Variants in USP47 observed in about 807,000 individuals in gnomAD.
USP47 encodes ubiquitin specific peptidase 47, also known as ubiquitin carboxyl-terminal hydrolase 47.
USP47 carries 35 observed loss-of-function variants against 165.1 expected under a neutral mutation model. That is an observed-to-expected ratio of 0.21 (90% CI 0.16 to 0.28). USP47 has a LOEUF of 0.28. Among genes scored for constraint, USP47 ranks in the 10% least tolerant of loss-of-function variants. USP47 has a pLI of 1.00. For synonymous variants in USP47, 531 were observed against 544.5 expected, an observed-to-expected ratio of 0.98 and a Z score of 0.35; for missense variants, 1,277 against 1,607.4, an observed-to-expected ratio of 0.79 and a Z score of 3.52.
At chr11:11,873,460 A>G (rs1275139590) in intron 1 of USP47, among the ~76,000 whole-genome samples, 1 of 152,126 alleles carries the variant, frequency 6.6e-6, no homozygotes, top group Non-Finnish European at 1.5e-5. Flanking sequence ...CAAAATCAAG[A>G]GATCTCTTGG....
At chr11:11,936,002 A>G (rs575610105) in intron 16 of USP47, among the ~76,000 whole-genome samples, 1 of 152,076 alleles carries the variant, frequency 6.6e-6, no homozygotes, top group East Asian at 1.9e-4. Flanking sequence ...AATAGTTACA[A>G]TACATTGATT....
chr11:11,949,273 CA>C (rs1373361792), intron 22 of USP47, among the ~76,000 whole-genome samples: 1 of 151,882 alleles, frequency 6.6e-6, no homozygotes, highest in African/African-American at 2.4e-5. Context: ...AAGAATAAGG[CA>C]AAGATCATAT....
chr11:11,841,973 A>G lies in USP47; in HGVS notation c.-213A>G. ...CAGCGGGCTGGGGGAGGGGCCGACG[A>G]CGAAGGCGGCTGTGGTAGCGGCGGC... On this transcript the variant is annotated 5_prime_UTR_variant, in exon 1 of 28. Coordinates refer to ENST00000527733, the MANE Select transcript of USP47 (RefSeq NM_001282659.2). 3.8e-6 allele frequency: 2 copies of G among 529,300 alleles called. No homozygotes were observed. Among genetic ancestry groups the G allele is most frequent in the Non-Finnish European group, 6.6e-6 (2 of 302,034 alleles). The allele number at this position is 529,300 out of a possible 1,614,324, so 32.8% of individuals were successfully genotyped here.
chr11:11,936,550 G>A, intron 17 of USP47, 40 bp downstream of exon 17: 2 of 1,421,834 alleles, frequency 1.4e-6, no homozygotes, highest in East Asian at 2.4e-5. Flanking sequence ...TCTGTACTTA[G>A]AATTTTCATG....
rs2403564 is a variant in USP47 at position 11,961,779 on chromosome 11, A to T, written c.*5604A>T. 4.1e-3 allele frequency among the ~76,000 whole-genome samples: 628 copies of T among 152,354 alleles called. 5 individuals are homozygous for T. The highest frequency in any genetic ancestry group is 0.014 in the African/African-American group (580 of 41,596). ...CCTAGCTGCTGGAGGGACTGAGAAC[A>T]GCTGTTGAGCAGTTTACCTGACGGC... is the stretch of plus-strand genomic sequence containing the variant. On this transcript the variant is annotated 3_prime_UTR_variant, in exon 28 of 28. Transcript: ENST00000527733.
intron 2 of USP47, among the ~76,000 whole-genome samples, chr11:11,881,559 C>G (rs993284764): frequency 2.0e-5 from 3 of 151,976 alleles, no homozygotes; most frequent in Non-Finnish European, 4.4e-5. Context: ...TTTTATTTTT[C>G]CATAGATCTG....
At chr11:11,890,994 C>T (rs1851478148) in intron 3 of USP47, among the ~76,000 whole-genome samples, 1 of 152,040 alleles carries the variant, frequency 6.6e-6, no homozygotes, top group Non-Finnish European at 1.5e-5. Flanking sequence ...GAACAACACA[C>T]ACTGGGGCAT....
chr11:11,913,257 A>C (rs1174102907), intron 8 of USP47, among the ~76,000 whole-genome samples: 1 of 118,058 alleles, frequency 8.5e-6, no homozygotes, highest in African/African-American at 3.1e-5. Flanking sequence ...AATCCCTTGT[A>C]CAAAAAAAAA....
intron 25 of USP47, among the ~76,000 whole-genome samples, chr11:11,953,531 G>A (rs937229324): frequency 2.6e-5 from 4 of 151,826 alleles, no homozygotes; most frequent in East Asian, 1.9e-4. Context: ...TATAGACCAC[G>A]TAAAAACCTA....
chr11:11,856,069 G>A (rs1271726846), intron 1 of USP47, among the ~76,000 whole-genome samples: 1 of 152,220 alleles, frequency 6.6e-6, no homozygotes, highest in Non-Finnish European at 1.5e-5. Context: ...AAAGTTTGTA[G>A]TGCATTTTAG....
chr11:11,846,735 A>G (rs1848448674), intron 1 of USP47, among the ~76,000 whole-genome samples: 1 of 152,142 alleles, frequency 6.6e-6, no homozygotes, highest in Admixed American at 6.5e-5. Flanking sequence ...TTTTATTTCT[A>G]TTGTCTGACT....
chr11:11,895,654 A>C (rs1851800622), intron 4 of USP47, among the ~76,000 whole-genome samples: 1 of 152,050 alleles, frequency 6.6e-6, no homozygotes, highest in Non-Finnish European at 1.5e-5. Flanking sequence ...TGTTGATAGG[A>C]GATGGTGGGT....
chr11:11,921,980 C>G (rs1853870944), intron 10 of USP47, among the ~76,000 whole-genome samples: 1 of 151,838 alleles, frequency 6.6e-6, no homozygotes, highest in Non-Finnish European at 1.5e-5. Flanking sequence ...TTGTATATTG[C>G]TTGGTTTCAC....
chr11:11,884,733 A>G, intron 3 of USP47, 153 bp downstream of exon 3: 2 of 565,654 alleles, frequency 3.5e-6, no homozygotes, highest in Non-Finnish European at 6.2e-6. Context: ...ATAAGTGTGT[A>G]GAATAACATA....
chr11:11,889,819 C>T (rs760383106), intron 3 of USP47, among the ~76,000 whole-genome samples: 6 of 152,142 alleles, frequency 3.9e-5, no homozygotes, highest in African/African-American at 7.2e-5. Context: ...TGCAAGGCTA[C>T]AGTAATCAAA....
chr11:11,945,101 T>C (rs753458399), intron 20 of USP47, among the ~76,000 whole-genome samples: 1 of 152,194 alleles, frequency 6.6e-6, no homozygotes, highest in Non-Finnish European at 1.5e-5. Flanking sequence ...ACTTATGTAT[T>C]TGGGCTTTTA....
chr11:11,893,086 A>G (rs1374617556), intron 4 of USP47, among the ~76,000 whole-genome samples: 1 of 152,088 alleles, frequency 6.6e-6, no homozygotes, highest in African/African-American at 2.4e-5. Context: ...GATTAAGCCT[A>G]TGTTTTTTAA....
chr11:11,919,402 A>G (rs1853661167), intron 8 of USP47, among the ~76,000 whole-genome samples: 1 of 151,984 alleles, frequency 6.6e-6, no homozygotes, highest in African/African-American at 2.4e-5. Context: ...GTCCAATCTT[A>G]TATGCTATAT....
At chr11:11,910,484 T>A (rs568057105) in intron 8 of USP47, among the ~76,000 whole-genome samples, 11 of 152,226 alleles carry the variant, frequency 7.2e-5, no homozygotes, top group Admixed American at 7.2e-4. Flanking sequence ...CATCAACTTG[T>A]GCCTGCCAGT....
Sources: allele counts gnomAD v4.1 joint callset (sites outside exome capture counted in the v4.1 genomes callset), GRCh38; gene constraint gnomAD v4.1.1; transcripts MANE v1.5; gene names NCBI Gene and HGNC (gene_info 2026-07-23, HGNC 2026-07-21).